RBMS3: variants seen among roughly 807,000 people sequenced by gnomAD.
RBMS3 encodes the protein RNA binding motif single stranded interacting protein 3.
A neutral mutation model predicts 66.8 loss-of-function variants in RBMS3; 27 were observed. The observed-to-expected ratio is 0.40, with a 90% CI of 0.30 to 0.56. RBMS3 has a LOEUF of 0.56. Ranked by LOEUF, RBMS3 falls within the 20% of genes least tolerant of loss-of-function variation. RBMS3 has a pLI of 0.40. For synonymous variants in RBMS3, 188 were observed against 183.0 expected (o/e 1.03, Z -0.22); for missense variants, 513 against 549.5 (o/e 0.93, Z 0.66).
chr3:29,935,964 C>A (rs932527228), intron 10 of RBMS3, 122 bp from the exon 11 acceptor site: 5 of 776,468 alleles, frequency 6.4e-6, no homozygotes, highest in African/African-American at 3.5e-5. Context: ...TTGAATTTAG[C>A]CTTTTTAGTA....
intron 4 of RBMS3, among the ~76,000 whole-genome samples, chr3:29,667,024 T>A (rs1194987553): frequency 6.6e-6 from 1 of 152,208 alleles, no homozygotes; most frequent in Non-Finnish European, 1.5e-5. Context: ...TAAGCCAATG[T>A]TTGAAATTAT....
intron 4 of RBMS3, among the ~76,000 whole-genome samples, chr3:29,648,774 C>T (rs1227001760): frequency 1.3e-5 from 2 of 152,082 alleles, no homozygotes; most frequent in Non-Finnish European, 2.9e-5. Flanking sequence ...AGCTTACCCC[C>T]GTCACTTCTA....
chr3:29,596,057 A>G lies in RBMS3; in HGVS notation c.399+8852A>G, dbSNP rs185219871. ...ATGTAAGTGGACAAGTAAGAGAAGG[A>G]CCAGGAGTGTTACACCACTATCTTT... On this transcript the variant is annotated intron_variant, in intron 4 of 14. Coordinates refer to ENST00000383767, the MANE Select transcript of RBMS3 (RefSeq NM_001003793.3). Among the ~76,000 whole-genome samples the G allele has an allele frequency of 2.2e-3, 339 of 152,298 alleles. 2 individuals carry two copies. Among genetic ancestry groups the G allele is most frequent in the African/African-American group, 7.9e-3 (330 of 41,570 alleles).
At chr3:29,461,376 G>A (rs958595035) in intron 2 of RBMS3, among the ~76,000 whole-genome samples, 2 of 152,094 alleles carry the variant, frequency 1.3e-5, no homozygotes, top group Non-Finnish European at 2.9e-5. Context: ...CCTTACCTTT[G>A]CAAGTCTTCA....
intron 1 of RBMS3, among the ~76,000 whole-genome samples, chr3:29,399,223 A>G (rs1174670455): frequency 7.9e-5 from 12 of 151,706 alleles, no homozygotes; most frequent in Non-Finnish European, 1.2e-4. Flanking sequence ...GTGTGTGTGT[A>G]TATATATATA....
chr3:29,780,428 C>T (rs533948146), intron 6 of RBMS3, among the ~76,000 whole-genome samples: 64 of 151,790 alleles, frequency 4.2e-4, no homozygotes, highest in African/African-American at 1.4e-3. Context: ...CCCTTGATTG[C>T]TCTTTAACTT....
At chr3:29,598,040 T>A (rs551849108) in intron 4 of RBMS3, among the ~76,000 whole-genome samples, 1 of 152,228 alleles carries the variant, frequency 6.6e-6, no homozygotes, top group East Asian at 1.9e-4. Context: ...ATCATCACCG[T>A]TAAAAAATAT....
rs148691765 is a variant in RBMS3, at chr3:29,962,551, C to CATATATATATATATATATAT, written c.1098+18314_1098+18315insTATATATATATATATATATA. The stretch of plus-strand genomic sequence containing the variant: ...TCTGTTTTTAATATGGGTCAAGACT[C>CATATATATATATATATATAT]ATATATATATATATATAATACCATA... On this transcript the variant is annotated intron_variant, in intron 12 of 14. Coordinates refer to ENST00000383767, the MANE Select transcript of RBMS3 (RefSeq NM_001003793.3). Among the ~76,000 whole-genome samples the CATATATATATATATATATAT allele has an allele frequency of 8.1e-4, 109 of 135,244 alleles. 1 individual carries two copies. The East Asian group carries it at 0.016, about 20-fold the overall frequency. The allele number at this position is 135,244 out of a possible 152,430, so 88.7% of individuals were successfully genotyped here.
At chr3:29,875,997 A>C (rs1170144566) in intron 7 of RBMS3, among the ~76,000 whole-genome samples, 1 of 152,196 alleles carries the variant, frequency 6.6e-6, no homozygotes, top group Non-Finnish European at 1.5e-5. Flanking sequence ...TCTTTTCTCA[A>C]ACATAAAGAA....
At chr3:29,621,560 T>C (rs1431583044) in intron 4 of RBMS3, among the ~76,000 whole-genome samples, 1 of 152,178 alleles carries the variant, frequency 6.6e-6, no homozygotes, top group African/African-American at 2.4e-5. Flanking sequence ...GTATTAAACC[T>C]TTCAATAAAA....
intron 4 of RBMS3, among the ~76,000 whole-genome samples, chr3:29,662,941 G>C (rs1342005032): frequency 1.3e-5 from 2 of 152,154 alleles, no homozygotes; most frequent in Non-Finnish European, 2.9e-5. Context: ...ATAAATATGT[G>C]GGGATTTTTG....
intron 6 of RBMS3, among the ~76,000 whole-genome samples, chr3:29,789,498 T>C (rs78391120): frequency 0.015 from 2,219 of 152,228 alleles, 41 homozygotes; most frequent in African/African-American, 0.042. Context: ...TTGCATAGAA[T>C]CCAAATGTTA....
chr3:29,945,832 C>T (rs559863320), intron 12 of RBMS3, among the ~76,000 whole-genome samples: 4 of 151,798 alleles, frequency 2.6e-5, no homozygotes, highest in East Asian at 3.9e-4. Context: ...ATTGCATACA[C>T]AGGGCCACTG....
intron 10 of RBMS3, among the ~76,000 whole-genome samples, chr3:29,901,057 A>C (rs1347239921): frequency 6.6e-6 from 1 of 151,800 alleles, no homozygotes; most frequent in Non-Finnish European, 1.5e-5. Flanking sequence ...TTACCACAGC[A>C]GAACTTTGTA....
chr3:29,988,418 C>G (rs1248493210), intron 13 of RBMS3, among the ~76,000 whole-genome samples, 195 bp downstream of exon 13: 2 of 152,172 alleles, frequency 1.3e-5, no homozygotes, highest in African/African-American at 2.4e-5. Context: ...ATGAAATGAG[C>G]TCATCTGCTA....
chr3:29,793,236 A>AAAAAAAG lies in RBMS3; in HGVS notation c.637+30252_637+30253insAGAAAAA, dbSNP rs140712587. Among the ~76,000 whole-genome samples the AAAAAAAG allele has an allele frequency of 2.0e-3, 306 of 150,382 alleles. 1 individual carries two copies. Among genetic ancestry groups the AAAAAAAG allele is most frequent in the Non-Finnish European group, 2.1e-3 (141 of 67,612 alleles). On this transcript the variant is annotated intron_variant, in intron 6 of 14. Coordinates refer to ENST00000383767, the MANE Select transcript of RBMS3 (RefSeq NM_001003793.3). Reference sequence around the variant, plus strand: ...ATGGAGTGAGACTCCATCTCAAAAAAAAAAAGAAAAAGGAAAAGAAAAAGA... The same window carrying AAAAAAAG: ...ATGGAGTGAGACTCCATCTCAAAAAAAAAAAAGAAAAAGAAAAAGGAAAAGAAAAAGA...
intron 12 of RBMS3, among the ~76,000 whole-genome samples, chr3:29,960,430 C>T (rs1696348666): frequency 6.6e-6 from 1 of 152,174 alleles, no homozygotes; most frequent in Non-Finnish European, 1.5e-5. Context: ...GTGCCTGTGG[C>T]TTTTCCAGGT....
At chr3:29,787,538 C>T (rs2056861190) in intron 6 of RBMS3, among the ~76,000 whole-genome samples, 1 of 152,106 alleles carries the variant, frequency 6.6e-6, no homozygotes, top group African/African-American at 2.4e-5. Flanking sequence ...TGCAGCAATG[C>T]CATTGCAATT....
At chr3:29,399,728 A>C (rs758633013) in intron 1 of RBMS3, among the ~76,000 whole-genome samples, 1 of 152,062 alleles carries the variant, frequency 6.6e-6, no homozygotes, top group Non-Finnish European at 1.5e-5. Flanking sequence ...TTTTAACCCA[A>C]TAATATCTGC....
Sources: allele counts gnomAD v4.1 joint callset (sites outside exome capture counted in the v4.1 genomes callset), GRCh38; gene constraint gnomAD v4.1.1; transcripts MANE v1.5; gene names NCBI Gene and HGNC (gene_info 2026-07-23, HGNC 2026-07-21).